SGCE: variants seen among roughly 807,000 people sequenced by gnomAD.
The protein encoded by SGCE is sarcoglycan epsilon.
A neutral mutation model predicts 57.8 loss-of-function variants in SGCE; 26 were observed. The observed-to-expected ratio is 0.45, with a 90% confidence interval of 0.33 to 0.62. The LOEUF (loss-of-function observed/expected upper bound fraction) is 0.62. SGCE is among the 20% of genes least tolerant of loss of function. SGCE has a pLI of 0.02. For missense variants in SGCE, 468 were observed against 548.6 expected (o/e 0.85, Z 1.47); for synonymous variants, 183 against 189.5 (o/e 0.97, Z 0.28).
chr7:94,641,315 G>A (rs557634267), intron 1 of SGCE, among the ~76,000 whole-genome samples: 1 of 152,330 alleles, frequency 6.6e-6, no homozygotes, highest in East Asian at 1.9e-4. Context: ...AGGTCAAGAT[G>A]TAGATGCAGA....
At chr7:94,614,127 A>C (rs1379340040) in intron 5 of SGCE, among the ~76,000 whole-genome samples, 1 of 151,376 alleles carries the variant, frequency 6.6e-6, no homozygotes, top group Non-Finnish European at 1.5e-5. Context: ...AAAAAAAAAA[A>C]AAACACAGTA....
chr7:94,627,526 C>G (rs2116952283), intron 3 of SGCE: 1 of 152,330 alleles, frequency 6.6e-6, no homozygotes, highest in African/African-American at 2.4e-5. Context: ...TAGGGTACAT[C>G]CTATTCCAGC....
intron 5 of SGCE, among the ~76,000 whole-genome samples, chr7:94,606,861 G>T (rs1030487870): frequency 6.6e-6 from 1 of 152,026 alleles, no homozygotes; most frequent in Non-Finnish European, 1.5e-5. Flanking sequence ...TTCAAAAATT[G>T]CACATGGATT....
chr7:94,626,478 A>T (rs1803732989), intron 3 of SGCE: 1 of 152,038 alleles, frequency 6.6e-6, no homozygotes, highest in Admixed American at 6.6e-5. Flanking sequence ...TAGTACCTCA[A>T]CATTTTTGTT....
chr7:94,638,134 CTG>C (rs1805845044), intron 1 of SGCE, among the ~76,000 whole-genome samples: 1 of 152,112 alleles, frequency 6.6e-6, no homozygotes, highest in Admixed American at 6.5e-5. Context: ...GATCATGGGC[CTG>C]TGTCCTGGAA....
chr7:94,646,842 T>A (rs1345717123), intron 1 of SGCE, among the ~76,000 whole-genome samples: 1 of 152,246 alleles, frequency 6.6e-6, no homozygotes, highest in Admixed American at 6.5e-5. Context: ...TTAATTTCCT[T>A]AATTATAAAA....
At chr7:94,630,793 A>C (rs1390239713) in intron 1 of SGCE, among the ~76,000 whole-genome samples, 1 of 151,936 alleles carries the variant, frequency 6.6e-6, no homozygotes, top group African/African-American at 2.4e-5. Flanking sequence ...CTTTCTTTTA[A>C]GTCATTAATG....
At chr7:94,636,053 G>T (rs1805556147) in intron 1 of SGCE, among the ~76,000 whole-genome samples, 1 of 152,134 alleles carries the variant, frequency 6.6e-6, no homozygotes, top group African/African-American at 2.4e-5. Flanking sequence ...CATGAAGTAG[G>T]AGAGGAAACC....
At chr7:94,628,053 G>A (rs1341377123) in intron 3 of SGCE, 149 bp downstream of exon 3, 1 of 606,950 alleles carries the variant, frequency 1.6e-6, no homozygotes, top group African/African-American at 1.9e-5. Flanking sequence ...ATTTCCAAAT[G>A]TTATCTACTG....
At chr7:94,648,817 C>G (rs1807485397) in intron 1 of SGCE, among the ~76,000 whole-genome samples, 1 of 152,166 alleles carries the variant, frequency 6.6e-6, no homozygotes, top group Admixed American at 6.5e-5. Flanking sequence ...GGTAAAAGAG[C>G]AACTATACTT....
intron 1 of SGCE, among the ~76,000 whole-genome samples, chr7:94,653,487 A>G (rs531951487): frequency 6.6e-6 from 1 of 152,234 alleles, no homozygotes; most frequent in South Asian, 2.1e-4. Context: ...GAGAAAATCC[A>G]AAATTCACAT....
intron 1 of SGCE, among the ~76,000 whole-genome samples, chr7:94,630,729 C>G (rs574729576): frequency 8.8e-4 from 133 of 151,986 alleles, no homozygotes; most frequent in South Asian, 7.5e-3. Context: ...TTTCTATATT[C>G]CTGATTGGCT....
intron 4 of SGCE, chr7:94,622,666 T>C (rs1164467449): frequency 6.6e-6 from 1 of 152,016 alleles, no homozygotes; most frequent in Non-Finnish European, 1.5e-5. Flanking sequence ...ACAAAGTATT[T>C]GGTGATATTT....
intron 9 of SGCE, among the ~76,000 whole-genome samples, chr7:94,594,983 T>C (rs1294324962): frequency 6.6e-6 from 1 of 152,132 alleles, no homozygotes; most frequent in East Asian, 1.9e-4. Context: ...TCATTTTGCT[T>C]ATAACCTGAA....
chr7:94,609,635 C>T lies in SGCE; in HGVS notation c.663-6183G>A, dbSNP rs530355531. 3.3e-5 allele frequency among the ~76,000 whole-genome samples: 5 copies of T among 152,312 alleles called. No individual in the cohort carries two copies. In the South Asian group the frequency reaches 8.3e-4, roughly 25 times the overall value. On this transcript the variant is annotated intron_variant, in intron 5 of 10. Coordinates refer to ENST00000648936, the MANE Select transcript of SGCE (RefSeq NM_003919.3). ...TGAAAAGATGCTCCACTTTACATATCATCATGGAAAGACAAATGAAAACAG... is the reference window on the plus strand; with the variant it reads ...TGAAAAGATGCTCCACTTTACATATTATCATGGAAAGACAAATGAAAACAG...
intron 1 of SGCE, among the ~76,000 whole-genome samples, chr7:94,649,239 T>C (rs147193764): frequency 6.6e-6 from 1 of 152,340 alleles, no homozygotes; most frequent in African/African-American, 2.4e-5. Flanking sequence ...CAAAAATTCT[T>C]ACATGAAGAT....
intron 1 of SGCE, among the ~76,000 whole-genome samples, chr7:94,643,724 GACTA>G (rs1446629885): frequency 7.9e-5 from 12 of 152,114 alleles, no homozygotes; most frequent in African/African-American, 2.4e-4. Flanking sequence ...GGATCCACTT[GACTA>G]ACTTCTTGTA....
intron 10 of SGCE, 34 bp from the exon 11 acceptor site, chr7:94,585,549 TAGTC>T (rs1796778514): frequency 6.8e-7 from 1 of 1,468,594 alleles, no homozygotes; most frequent in Non-Finnish European, 9.5e-7. Context: ...GGGCAGGAGT[TAGTC>T]AGGGCATGGA....
intron 10 of SGCE, 24 bp from the exon 11 acceptor site, chr7:94,585,539 G>A (rs1241079080): frequency 1.3e-6 from 2 of 1,562,790 alleles, no homozygotes; most frequent in East Asian, 4.5e-5. Flanking sequence ...GAATGAATAT[G>A]GGCAGGAGTT....
Sources: allele counts gnomAD v4.1 joint callset (sites outside exome capture counted in the v4.1 genomes callset), GRCh38; gene constraint gnomAD v4.1.1; transcripts MANE v1.5; gene names NCBI Gene and HGNC (gene_info 2026-07-23, HGNC 2026-07-21).